COPB1: variants seen among roughly 807,000 people sequenced by gnomAD.
The protein encoded by COPB1 is coat protein complex I subunit beta 1, also known as coatomer subunit beta.
A neutral mutation model predicts 108.7 loss-of-function variants in COPB1; 21 were observed. That is an observed-to-expected ratio of 0.19 (90% CI 0.14 to 0.28). COPB1 has a LOEUF of 0.28. COPB1 is among the 10% of genes least tolerant of loss of function. The probability of loss-of-function intolerance (pLI) is 1.00; values close to 1 mark genes in which losing one functional copy is unlikely to be tolerated. For missense variants in COPB1, 919 were observed against 1,141.3 expected (o/e 0.81, Z 2.81); for synonymous variants, 378 against 386.8 (o/e 0.98, Z 0.27).
At chr11:14,488,367 T>C (rs1850822115) in intron 6 of COPB1, 125 bp downstream of exon 6, 1 of 456,706 alleles carries the variant, frequency 2.2e-6, no homozygotes, top group East Asian at 3.5e-5. Context: ...TTTAATAGGC[T>C]ATGCTATAAA....
At chr11:14,494,901 G>A (rs1173566346) in intron 2 of COPB1, among the ~76,000 whole-genome samples, 1 of 152,126 alleles carries the variant, frequency 6.6e-6, no homozygotes, top group African/African-American at 2.4e-5. Flanking sequence ...TTTAACATTA[G>A]AAAGAGAAAC....
At chr11:14,484,700 G>A (rs139825656) in intron 7 of COPB1, among the ~76,000 whole-genome samples, 1,901 of 152,176 alleles carry the variant, frequency 0.012, 37 homozygotes, top group African/African-American at 0.043. Flanking sequence ...CCTGAGCGAC[G>A]GAGTGAGACT....
intron 2 of COPB1, among the ~76,000 whole-genome samples, chr11:14,496,272 T>G (rs1381917133): frequency 6.6e-6 from 1 of 152,130 alleles, no homozygotes; most frequent in Non-Finnish European, 1.5e-5. Flanking sequence ...AAATTTTTTT[T>G]TTCTTGACAG....
chr11:14,499,752 G>A lies in COPB1; in HGVS notation c.-103C>T, dbSNP rs1230878782. 2.6e-5 allele frequency: 4 copies of A among 152,298 alleles called. No homozygotes were observed. The allele number at this position is 152,298 out of a possible 1,614,324, so 9.4% of individuals were successfully genotyped here. A position where few individuals can be genotyped will look rare whatever the true frequency, so the allele number is the denominator to read the frequency against. The stretch of plus-strand genomic sequence containing the variant: ...CTTGTGGCCCACTACCAGGCTCCGA[G>A]GGGCAGTGGTTTGGTGCAGCCGCGG... On this transcript the variant is annotated 5_prime_UTR_variant, in exon 1 of 22. Coordinates refer to ENST00000439561, the MANE Select transcript of COPB1 (RefSeq NM_001144061.2).
Position 14,490,633 on chromosome 11 carries a change from A to T in COPB1, c.538T>A (p.Phe180Ile). The change falls in exon 5 of 22, where the codon TTT becomes ATT. Residue 180 changes from phenylalanine (F) to isoleucine (I), a missense_variant. Coordinates refer to ENST00000439561, the MANE Select transcript of COPB1 (RefSeq NM_001144061.2). ...IPDAPELIHD[F>I]LVNEKDASCK... ...CTTGCATCCTTCTCATTCACCAGAA[A>T]ATCATGTATCAGTTCAGGAGCATCA... 2 of 1,613,356 alleles carry T rather than the reference A, an allele frequency of 1.2e-6. No individual in the cohort carries two copies. Among genetic ancestry groups the T allele is most frequent in the Non-Finnish European group, 1.7e-6 (2 of 1,179,720 alleles).
At chr11:14,473,257 G>C (rs368236455) in intron 14 of COPB1, among the ~76,000 whole-genome samples, 4 of 152,074 alleles carry the variant, frequency 2.6e-5, no homozygotes, top group Non-Finnish European at 5.9e-5. Flanking sequence ...GAGTCACCAC[G>C]CCTGCCAAAT....
intron 18 of COPB1, among the ~76,000 whole-genome samples, chr11:14,463,463 C>T (rs1251443358): frequency 2.0e-5 from 3 of 152,150 alleles, no homozygotes; most frequent in Non-Finnish European, 2.9e-5. Flanking sequence ...GGACTACAGG[C>T]GTGCGCCATT....
At chr11:14,479,798 T>C (rs896251550) in intron 10 of COPB1, 84 bp from the exon 11 acceptor site, 4 of 1,320,996 alleles carry the variant, frequency 3.0e-6, no homozygotes, top group Admixed American at 2.7e-5. Context: ...ATTAAAAGAA[T>C]GTAATTCTTT....
At chr11:14,486,214 G>A (rs1322094021) in intron 7 of COPB1, among the ~76,000 whole-genome samples, 153 bp downstream of exon 7, 1 of 152,190 alleles carries the variant, frequency 6.6e-6, no homozygotes, top group African/African-American at 2.4e-5. Flanking sequence ...AAGAAGGAAG[G>A]CTGAACAATG....
chr11:14,458,685 G>A lies in COPB1; in HGVS notation c.2649C>T (p.Ala883=). ...TNMKCLTPEK[A]LSGYCGFMAA... ...CCATAAAGCCACAGTAACCAGAAAG[G>A]GCCTGGAAAAAATTTGTGATAAATT... is the stretch of plus-strand genomic sequence containing the variant. Residue 883 remains alanine, a splice_region_variant and synonymous_variant, in exon 21 of 22, where the codon GCC becomes GCT. Transcript: ENST00000439561. The A allele has an allele frequency of 5.6e-6, 9 of 1,606,964 alleles. No homozygotes were observed. The highest frequency in any genetic ancestry group is 6.8e-6 in the Non-Finnish European group (8 of 1,177,720).
At chr11:14,495,262 T>C (rs977422876) in intron 2 of COPB1, among the ~76,000 whole-genome samples, 2 of 152,172 alleles carry the variant, frequency 1.3e-5, no homozygotes, top group Non-Finnish European at 2.9e-5. Flanking sequence ...TAGCACACTG[T>C]ACTACAACTG....
intron 7 of COPB1, among the ~76,000 whole-genome samples, chr11:14,484,493 G>A (rs767927653): frequency 6.6e-6 from 1 of 152,202 alleles, no homozygotes; most frequent in South Asian, 2.1e-4. Context: ...GTCGAGGCGG[G>A]TGGATCACAA....
rs1201047883 is a variant in COPB1, at chr11:14,457,681, G to A, written c.*143C>T. The A allele has an allele frequency of 2.7e-5, 18 of 668,452 alleles. No homozygotes were observed. Among genetic ancestry groups the A allele is most frequent in the Non-Finnish European group, 4.6e-5 (17 of 368,880 alleles). 41.4% of individuals were successfully genotyped at this position (668,452 alleles called of 1,614,324 possible). A position where few individuals can be genotyped will look rare whatever the true frequency, so the allele number is the denominator to read the frequency against. On this transcript the variant is annotated 3_prime_UTR_variant, in exon 22 of 22. Coordinates refer to ENST00000439561, the MANE Select transcript of COPB1 (RefSeq NM_001144061.2). ...AATTTTAAACTCAATCTTGATTTAA[G>A]GGAAAGGCTATAAATTATTGGCTGA...
At chr11:14,481,760 A>G (rs1218603289) in intron 8 of COPB1, among the ~76,000 whole-genome samples, 1 of 152,210 alleles carries the variant, frequency 6.6e-6, no homozygotes, top group Non-Finnish European at 1.5e-5. Flanking sequence ...TCCTTCACCT[A>G]CATTCACCAG....
intron 2 of COPB1, among the ~76,000 whole-genome samples, chr11:14,496,546 T>C (rs372878393): frequency 3.9e-5 from 6 of 151,970 alleles, no homozygotes; most frequent in South Asian, 4.1e-4. Flanking sequence ...ATGAAAGAAA[T>C]TGAAGAGAAC....
At position 14,498,859 on chromosome 11, in the gene COPB1, T is replaced by C; in HGVS notation, c.70A>G (p.Ile24Val). The C allele has an allele frequency of 6.2e-7, 1 of 1,605,718 alleles. No homozygotes were observed. Among genetic ancestry groups the C allele is most frequent in the Non-Finnish European group, 8.5e-7 (1 of 1,177,584 alleles). Reference sequence around the variant, plus strand: ...TTACCTAGATCATTTTTTAAGCTAATTTCAGATGGTGGTTCTGAATCCATT... The same window carrying C: ...TTACCTAGATCATTTTTTAAGCTAACTTCAGATGGTGGTTCTGAATCCATT... ...VPMDSEPPSE[I>V]SLKNDLEKGD... is the part of the protein sequence containing the mutation. The change falls in exon 2 of 22, where the codon ATT becomes GTT. Residue 24 changes from isoleucine to valine, a missense_variant. Around this residue, in one of 5 missense-constraint regions of COPB1, gnomAD observed 92 missense variants for 108.4 expected, o/e 0.85. Coordinates refer to ENST00000439561, the MANE Select transcript of COPB1 (RefSeq NM_001144061.2).
intron 21 of COPB1, among the ~76,000 whole-genome samples, 191 bp from the exon 22 acceptor site, chr11:14,458,074 A>ATTTTTT (rs748562590): frequency 1.7e-4 from 17 of 100,708 alleles, no homozygotes; most frequent in South Asian, 6.7e-4. Flanking sequence ...CCGTCACCAG[A>ATTTTTT]TTTTTTTTTT....
Position 14,466,442 on chromosome 11 carries a change from C to A in COPB1, c.2146-16G>T. The A allele has an allele frequency of 1.2e-6, 2 of 1,604,762 alleles. No homozygotes were observed. The highest frequency in any genetic ancestry group is 8.5e-7 in the Non-Finnish European group (1 of 1,176,336). On this transcript the variant is annotated splice_polypyrimidine_tract_variant and intron_variant, in intron 16 of 21. Transcript: ENST00000439561. Reference sequence around the variant, plus strand: ...ATTGGGTGACCTGTCAAAACAAAAACAAAGACATAATCAAATGACAGATGC... The same window carrying A: ...ATTGGGTGACCTGTCAAAACAAAAAAAAAGACATAATCAAATGACAGATGC...
At chr11:14,471,593 G>A (rs1031866714) in intron 14 of COPB1, among the ~76,000 whole-genome samples, 2 of 152,004 alleles carry the variant, frequency 1.3e-5, no homozygotes, top group African/African-American at 4.8e-5. Context: ...TCTCATTTAT[G>A]GCTTTTCTTA....
Sources: allele counts gnomAD v4.1 joint callset (sites outside exome capture counted in the v4.1 genomes callset), GRCh38; gene constraint gnomAD v4.1.1; regional missense constraint gnomAD v4.1.1; transcripts MANE v1.5; gene names NCBI Gene and HGNC (gene_info 2026-07-23, HGNC 2026-07-21).